The following CHRM3 variants were observed in gnomAD, a reference collection of about 807,000 sequenced individuals.
CHRM3 encodes muscarinic acetylcholine receptor M3.
Under a neutral mutation model 41.8 loss-of-function variants are expected in CHRM3, and 11 were observed. The observed-to-expected ratio is 0.26, with a 90% CI of 0.17 to 0.44. The LOEUF (loss-of-function observed/expected upper bound fraction) is 0.44, where lower values mean the gene tolerates loss of function less well. Ranked by LOEUF, CHRM3 falls within the 20% of genes least tolerant of loss-of-function variation. The pLI, the probability that CHRM3 is intolerant of heterozygous loss-of-function variation, is 1.00. For missense variants in CHRM3, 571 were observed against 745.4 expected (o/e 0.77, Z 2.72); for synonymous variants, 297 against 301.4 (o/e 0.99, Z 0.15).
intron 2 of CHRM3, among the ~76,000 whole-genome samples, chr1:239,516,003 G>C (rs752634022): frequency 6.6e-6 from 1 of 152,132 alleles, no homozygotes; most frequent in Admixed American, 6.6e-5. Flanking sequence ...ACTATCAAGA[G>C]CTTAGATAAC....
intron 5 of CHRM3, among the ~76,000 whole-genome samples, chr1:239,812,636 C>G (rs1671204165): frequency 6.6e-6 from 1 of 152,098 alleles, no homozygotes; most frequent in South Asian, 2.1e-4. Context: ...AGTGGCAAAA[C>G]AAAAATTTAT....
chr1:239,407,104 T>C (rs1342859118), intron 1 of CHRM3, among the ~76,000 whole-genome samples: 1 of 152,192 alleles, frequency 6.6e-6, no homozygotes, highest in African/African-American at 2.4e-5. Flanking sequence ...ATCAAGAACT[T>C]TCTGCCTCAG....
At chr1:239,698,375 A>G (rs1390780691) in intron 5 of CHRM3, among the ~76,000 whole-genome samples, 2 of 152,186 alleles carry the variant, frequency 1.3e-5, no homozygotes, top group Non-Finnish European at 2.9e-5. Context: ...AGTTTAAAGC[A>G]GATTTATTCT....
intron 1 of CHRM3, among the ~76,000 whole-genome samples, chr1:239,487,225 T>C (rs1428683642): frequency 6.6e-6 from 1 of 152,194 alleles, no homozygotes; most frequent in African/African-American, 2.4e-5. Context: ...TTAGGATTTT[T>C]GTGCATGATA....
At chr1:239,817,693 C>T (rs1013407131) in intron 5 of CHRM3, among the ~76,000 whole-genome samples, 1 of 151,884 alleles carries the variant, frequency 6.6e-6, no homozygotes, top group African/African-American at 2.4e-5. Flanking sequence ...CACAGTGCTC[C>T]CTCTACACAC....
At chr1:239,570,374 C>T (rs972381170) in intron 3 of CHRM3, among the ~76,000 whole-genome samples, 3 of 152,136 alleles carry the variant, frequency 2.0e-5, no homozygotes, top group Non-Finnish European at 4.4e-5. Flanking sequence ...TTGTAAATTA[C>T]CCAGTCTCGG....
At chr1:239,843,293 C>A (rs368693302) in intron 6 of CHRM3, among the ~76,000 whole-genome samples, 1 of 152,060 alleles carries the variant, frequency 6.6e-6, no homozygotes, top group Non-Finnish European at 1.5e-5. Flanking sequence ...TATTCACCTC[C>A]TCTAATCATT....
intron 1 of CHRM3, among the ~76,000 whole-genome samples, chr1:239,470,647 C>G (rs1439456609): frequency 3.3e-5 from 5 of 152,164 alleles, no homozygotes; most frequent in African/African-American, 7.2e-5. Flanking sequence ...AGTATGATTT[C>G]CTCTTGCAGT....
intron 6 of CHRM3, among the ~76,000 whole-genome samples, chr1:239,889,755 C>G (rs149937634): frequency 6.6e-6 from 1 of 152,162 alleles, no homozygotes; most frequent in African/African-American, 2.4e-5. Context: ...CTTATGAGCT[C>G]AATCAGAAAT....
intron 6 of CHRM3, among the ~76,000 whole-genome samples, chr1:239,839,893 C>T (rs1036370744): frequency 6.6e-6 from 1 of 152,158 alleles, no homozygotes; most frequent in African/African-American, 2.4e-5. Flanking sequence ...GGAAGGTAGA[C>T]ATAGGCTAGG....
intron 5 of CHRM3, among the ~76,000 whole-genome samples, chr1:239,759,156 G>GTTTTTTTTTTTT (rs1558518322): frequency 2.3e-5 from 3 of 133,028 alleles, no homozygotes; most frequent in Admixed American, 7.2e-5. Context: ...GAGCTTTATG[G>GTTTTTTTTTTTT]GTTTTTTTTT....
intron 5 of CHRM3, among the ~76,000 whole-genome samples, chr1:239,824,093 C>G (rs934161850): frequency 1.6e-4 from 24 of 152,154 alleles, no homozygotes; most frequent in African/African-American, 4.8e-4. Flanking sequence ...GCGGTGCCCT[C>G]TGTCTCGTTG....
intron 1 of CHRM3, among the ~76,000 whole-genome samples, chr1:239,414,850 G>A (rs1053593669): frequency 2.6e-5 from 4 of 152,098 alleles, no homozygotes; most frequent in Non-Finnish European, 4.4e-5. Context: ...ACCAATATTA[G>A]CATTTACAAA....
chr1:239,711,058 G>A (rs1357013954), intron 5 of CHRM3, among the ~76,000 whole-genome samples: 2 of 152,124 alleles, frequency 1.3e-5, no homozygotes, highest in African/African-American at 4.8e-5. Flanking sequence ...GAGTTTCCAG[G>A]TAGCATAAGT....
At chr1:239,739,874 G>A (rs1208570767) in intron 5 of CHRM3, among the ~76,000 whole-genome samples, 1 of 152,172 alleles carries the variant, frequency 6.6e-6, no homozygotes, top group East Asian at 1.9e-4. Flanking sequence ...CTGGAGGCCA[G>A]TTGACTTTGT....
chr1:239,759,986 C>T (rs951371213), intron 5 of CHRM3, among the ~76,000 whole-genome samples: 14 of 152,088 alleles, frequency 9.2e-5, no homozygotes, highest in African/African-American at 3.1e-4. Flanking sequence ...GCGATCTAGA[C>T]TCACTGCAAG....
intron 1 of CHRM3, among the ~76,000 whole-genome samples, chr1:239,394,750 C>T (rs1247435596): frequency 2.6e-5 from 4 of 152,216 alleles, no homozygotes; most frequent in Admixed American, 2.6e-4. Flanking sequence ...TACTTATTTG[C>T]CTTCTTAATA....
intron 4 of CHRM3, among the ~76,000 whole-genome samples, chr1:239,671,311 C>T (rs1323667836): frequency 6.6e-6 from 1 of 152,202 alleles, no homozygotes; most frequent in African/African-American, 2.4e-5. Flanking sequence ...GGCGCAGTGG[C>T]TCACCCTGTA....
At chr1:239,879,056 G>T (rs1311064017) in intron 6 of CHRM3, among the ~76,000 whole-genome samples, 1 of 152,146 alleles carries the variant, frequency 6.6e-6, no homozygotes, top group Non-Finnish European at 1.5e-5. Context: ...TGGAGAACTG[G>T]TCTAAGCACT....
Sources: allele counts gnomAD v4.1 joint callset (sites outside exome capture counted in the v4.1 genomes callset), GRCh38; gene constraint gnomAD v4.1.1; transcripts MANE v1.5; gene names NCBI Gene and HGNC (gene_info 2026-07-23, HGNC 2026-07-21).